SLC37A3: variants seen among roughly 807,000 people sequenced by gnomAD.
SLC37A3 encodes solute carrier family 37 member 3, also known as sugar phosphate exchanger 3.
A neutral mutation model predicts 67.1 loss-of-function variants in SLC37A3; 51 were observed. That is an observed-to-expected ratio of 0.76 (90% CI 0.61 to 0.96). The LOEUF is 0.96. Ranked by LOEUF, SLC37A3 falls within the 40% of genes least tolerant of loss-of-function variation. SLC37A3 has a pLI of 0.00. For synonymous variants in SLC37A3, 214 were observed against 231.4 expected (o/e 0.92, Z 0.68); for missense variants, 508 against 603.0 (o/e 0.84, Z 1.65).
intron 5 of SLC37A3, among the ~76,000 whole-genome samples, chr7:140,359,170 C>A (rs967055150): frequency 6.6e-6 from 1 of 151,098 alleles, no homozygotes; most frequent in Non-Finnish European, 1.5e-5. Flanking sequence ...GGTGAAACCC[C>A]GTCTCTAATG....
At chr7:140,341,157 T>C (rs1273074903) in intron 13 of SLC37A3, among the ~76,000 whole-genome samples, 1 of 152,188 alleles carries the variant, frequency 6.6e-6, no homozygotes, top group Non-Finnish European at 1.5e-5. Context: ...GGTCTTGAAC[T>C]CTTGGCCTCA....
In SLC37A3 at chr7:140,348,785, A is replaced by G; in HGVS notation, c.883-18T>C. ...AGTGAGTACTACAAGAAAAGCATTC[A>G]ACTATCAGCGAGGGACAAATAGCAC... On this transcript the variant is annotated intron_variant, in intron 9 of 14. Transcript: ENST00000326232. The G allele has an allele frequency of 6.2e-7, 1 of 1,611,410 alleles. No individual in the cohort carries two copies. Among genetic ancestry groups the G allele is most frequent in the Non-Finnish European group, 8.5e-7 (1 of 1,178,864 alleles).
At position 140,335,097 on chromosome 7, in the gene SLC37A3, A is replaced by C. The variant is rs1796079364; in HGVS notation, c.*315T>G. 2 of 901,924 alleles carry C rather than the reference A, an allele frequency of 2.2e-6. No individual in the cohort carries two copies. The highest frequency in any genetic ancestry group is 1.6e-6 in the Non-Finnish European group (1 of 612,238). The allele number at this position is 901,924 out of a possible 1,614,324, so 55.9% of individuals were successfully genotyped here. A position where few individuals can be genotyped will look rare whatever the true frequency, so the allele number is the denominator to read the frequency against. On this transcript the variant is annotated 3_prime_UTR_variant, in exon 15 of 15. Coordinates refer to ENST00000326232, the MANE Select transcript of SLC37A3 (RefSeq NM_207113.3). ...AAGTTCAAGTCCAAAACAACAGTTA[A>C]GGTTAAAACGCTAAACCTCAATAGG...
intron 3 of SLC37A3, among the ~76,000 whole-genome samples, chr7:140,379,709 G>A (rs920912399): frequency 6.7e-5 from 10 of 150,050 alleles, no homozygotes; most frequent in East Asian, 2.0e-4. Context: ...CCTGGGCAAC[G>A]TGGTGAAACC....
At position 140,334,688 on chromosome 7, in the gene SLC37A3, C is replaced by T. The variant is rs1006174483; in HGVS notation, c.*724G>A. 11 of 157,598 alleles carry T rather than the reference C, an allele frequency of 7.0e-5. No homozygotes were observed. The Middle Eastern group carries it at 0.01, about 145-fold the overall frequency. The allele number at this position is 157,598 out of a possible 1,614,324, so 9.8% of individuals were successfully genotyped here. A position where few individuals can be genotyped will look rare whatever the true frequency, so the allele number is the denominator to read the frequency against. On this transcript the variant is annotated 3_prime_UTR_variant, in exon 15 of 15. Coordinates refer to ENST00000326232, the MANE Select transcript of SLC37A3 (RefSeq NM_207113.3). ...AAGATAACTGATGTACCTTATGGTC[C>T]TTGAAAGGAAGACTCAATACTTCCA...
chr7:140,339,737 CTGTT>C (rs1299613993), intron 13 of SLC37A3, among the ~76,000 whole-genome samples: 1 of 150,838 alleles, frequency 6.6e-6, no homozygotes, highest in African/African-American at 2.4e-5. Flanking sequence ...GTCACCTTTC[CTGTT>C]TGTTTTTTTT....
At chr7:140,342,423 T>C (rs987067283) in intron 13 of SLC37A3, among the ~76,000 whole-genome samples, 3 of 152,210 alleles carry the variant, frequency 2.0e-5, no homozygotes, top group African/African-American at 7.2e-5. Context: ...TTCCCTTGAC[T>C]ACAGGTTACT....
chr7:140,361,462 AC>A (rs1433524589), intron 5 of SLC37A3, among the ~76,000 whole-genome samples: 2 of 143,048 alleles, frequency 1.4e-5, no homozygotes, highest in African/African-American at 5.2e-5. Context: ...AGCCTGGGCA[AC>A]AAGAGCAAAA....
At chr7:140,358,336 A>C (rs1375803589) in intron 6 of SLC37A3, among the ~76,000 whole-genome samples, 1 of 152,204 alleles carries the variant, frequency 6.6e-6, no homozygotes, top group Non-Finnish European at 1.5e-5. Flanking sequence ...TGAGATTTTT[A>C]TGTTCTATAA....
intron 3 of SLC37A3, among the ~76,000 whole-genome samples, chr7:140,373,152 T>C (rs886322472): frequency 3.9e-5 from 6 of 152,068 alleles, no homozygotes; most frequent in African/African-American, 1.2e-4. Flanking sequence ...GGTTCCACCA[T>C]GTTGGTCAGG....
intron 5 of SLC37A3, among the ~76,000 whole-genome samples, chr7:140,362,823 G>C (rs1158104166): frequency 1.2e-5 from 1 of 83,890 alleles, no homozygotes; most frequent in South Asian, 5.4e-4. Context: ...CGGAGGTGAG[G>C]GGCGCCTCTG....
Position 140,380,286 on chromosome 7 carries a change from A to C in SLC37A3, c.194T>G (p.Val65Gly), listed in dbSNP as rs199970070. The change falls in exon 3 of 15, where the codon GTG (valine) becomes GGG (glycine). Residue 65 changes from valine to glycine, a missense_variant. Physicochemically the swap from Val to Gly is moderately radical, Grantham distance 109. Coordinates refer to ENST00000326232, the MANE Select transcript of SLC37A3 (RefSeq NM_207113.3). The part of the protein sequence containing the change: ...SAFNTSVELP[V>G]EIWSSNHLFP... ...CCAGCACTCTGTTCTGCTTACCTCC[A>C]CAGGCAGCTCAACTGACGTGTTAAA... The C allele has an allele frequency of 1.2e-5, 19 of 1,605,920 alleles. No individual in the cohort carries two copies. The highest frequency in any genetic ancestry group is 1.6e-5 in the Non-Finnish European group (19 of 1,172,892).
At chr7:140,348,833 T>C in intron 9 of SLC37A3, 66 bp from the exon 10 acceptor site, 2 of 1,572,380 alleles carry the variant, frequency 1.3e-6, no homozygotes, top group Admixed American at 2.0e-5. Flanking sequence ...ATTTTTAATG[T>C]CATTTAAAAG....
chr7:140,346,101 C>CGGGCT (rs1563011014), intron 10 of SLC37A3, 131 bp from the exon 11 acceptor site: 1 of 668,828 alleles, frequency 1.5e-6, no homozygotes, highest in African/African-American at 1.8e-5. Flanking sequence ...ATGGCTGGGC[C>CGGGCT]GGGCTCGGTG....
Position 140,358,716 on chromosome 7 carries a change from T to C in SLC37A3, c.445A>G (p.Ile149Val). 9 of 1,613,996 alleles carry C rather than the reference T, an allele frequency of 5.6e-6. No homozygotes were observed. Among genetic ancestry groups the C allele is most frequent in the Non-Finnish European group, 7.6e-6 (9 of 1,179,994 alleles). ...GTGGACTGCAGCAGGCCGTTCACAA[T>C]CCACAGGCAGCAGTACAGCCATTTG... Reference protein sequence around the residue: ...YNKWLYCCLWIVNGLLQSTGW... With the variant: ...YNKWLYCCLWVVNGLLQSTGW... Residue 149 changes from isoleucine to valine, a missense_variant, in exon 6 of 15, where the codon ATT (isoleucine) becomes GTT (valine). Ile to Val is a conservative substitution (Grantham distance 29). Transcript: ENST00000326232.
At chr7:140,351,622 TA>T (rs1796805885) in intron 8 of SLC37A3, 171 bp from the exon 9 acceptor site, 2 of 620,626 alleles carry the variant, frequency 3.2e-6, no homozygotes, top group African/African-American at 3.7e-5. Context: ...ACAGTCTATC[TA>T]AAAATACTCA....
chr7:140,356,444 G>T (rs1797032744), intron 6 of SLC37A3, among the ~76,000 whole-genome samples: 1 of 152,186 alleles, frequency 6.6e-6, no homozygotes, highest in Admixed American at 6.5e-5. Context: ...CCTTTGGGAG[G>T]CCTGAGGTGG....
chr7:140,387,743 T>TTA (rs1554435265), intron 1 of SLC37A3, among the ~76,000 whole-genome samples: 1 of 21,294 alleles, frequency 4.7e-5, no homozygotes, highest in South Asian at 1.7e-3. Context: ...ATACTATATA[T>TTA]TATATAAATA....
At chr7:140,352,169 G>C in intron 7 of SLC37A3, 23 bp from the exon 8 acceptor site, 1 of 1,576,394 alleles carries the variant, frequency 6.3e-7, no homozygotes, top group Non-Finnish European at 8.6e-7. Flanking sequence ...GGTGAAAGGT[G>C]GTCCTTACAT....
Sources: gnomAD v4.1 joint callset for allele counts (sites outside exome capture counted in the v4.1 genomes callset) on GRCh38, gnomAD v4.1.1 for gene constraint, MANE v1.5 for transcripts, NCBI Gene and HGNC (gene_info 2026-07-23, HGNC 2026-07-21) for gene names.